Variants in MAPK10 observed in about 807,000 individuals in gnomAD.
The protein encoded by MAPK10 is mitogen-activated protein kinase 10, also known as JNK3 alpha protein kinase.
Under a neutral mutation model 59.3 loss-of-function variants are expected in MAPK10, and 25 were observed. The observed-to-expected ratio is 0.42, with a 90% CI of 0.31 to 0.59. The LOEUF (loss-of-function observed/expected upper bound fraction) is 0.59, where lower values mean the gene tolerates loss of function less well. Ranked by LOEUF, MAPK10 falls within the 20% of genes least tolerant of loss-of-function variation. MAPK10 has a pLI of 0.15. For synonymous variants in MAPK10, 190 were observed against 200.5 expected, an observed-to-expected ratio of 0.95 and a Z score of 0.44; for missense variants, 351 against 568.9, an observed-to-expected ratio of 0.62 and a Z score of 3.90.
chr4:86,258,408 T>C (rs2093843598), intron 2 of MAPK10, among the ~76,000 whole-genome samples: 1 of 152,188 alleles, frequency 6.6e-6, no homozygotes, highest in Non-Finnish European at 1.5e-5. Context: ...TCCTGTCAAC[T>C]CCTGGGTTTT....
intron 3 of MAPK10, among the ~76,000 whole-genome samples, chr4:86,174,121 G>C (rs1291819976): frequency 1.3e-5 from 2 of 152,070 alleles, no homozygotes; most frequent in Non-Finnish European, 2.9e-5. Flanking sequence ...CCATTACTGG[G>C]TATATACCCA....
chr4:86,280,524 C>A (rs2094756632), intron 2 of MAPK10, among the ~76,000 whole-genome samples: 1 of 152,136 alleles, frequency 6.6e-6, no homozygotes. Flanking sequence ...TTAGTTCAGC[C>A]AGTGTGGACA....
intron 13 of MAPK10, among the ~76,000 whole-genome samples, chr4:86,025,937 T>C (rs1749954827): frequency 6.6e-6 from 1 of 152,020 alleles, no homozygotes; most frequent in Non-Finnish European, 1.5e-5. Flanking sequence ...AATGAAAAAA[T>C]AGTGTCTTTT....
chr4:86,408,533 C>CTTAT (rs1162927494), intron 1 of MAPK10, among the ~76,000 whole-genome samples: 2 of 152,120 alleles, frequency 1.3e-5, no homozygotes, highest in Non-Finnish European at 2.9e-5. Flanking sequence ...TAAAAGTGTT[C>CTTAT]TTATTTCTCC....
At chr4:86,440,135 A>G (rs1186696474) in intron 1 of MAPK10, among the ~76,000 whole-genome samples, 1 of 152,226 alleles carries the variant, frequency 6.6e-6, no homozygotes, top group Admixed American at 6.5e-5. Context: ...GATATAGACT[A>G]TATGTGTCTC....
intron 2 of MAPK10, among the ~76,000 whole-genome samples, chr4:86,212,119 T>C (rs547196712): frequency 1.3e-5 from 2 of 152,090 alleles, no homozygotes; most frequent in African/African-American, 2.4e-5. Context: ...TGTAAGTAGA[T>C]TAAATTCTTC....
rs930572710 is a variant in MAPK10 at position 86,056,223 on chromosome 4, T to C, written c.1110+8043A>G. 3.3e-5 allele frequency among the ~76,000 whole-genome samples: 5 copies of C among 150,180 alleles called. 2 individuals carry two copies. The highest frequency in any genetic ancestry group is 1.2e-4 in the African/African-American group (5 of 40,194). On this transcript the variant is annotated intron_variant, in intron 11 of 13. Coordinates refer to ENST00000641462, the MANE Select transcript of MAPK10 (RefSeq NM_138982.4). ...TTAACTCACAGTGCTACACTCAAAC[T>C]AACCAATTTAATAAAAGGATTATAA... is the stretch of plus-strand genomic sequence containing the variant.
chr4:86,487,871 T>G (rs1754130991), intron 1 of MAPK10, among the ~76,000 whole-genome samples: 2 of 151,518 alleles, frequency 1.3e-5, no homozygotes, highest in South Asian at 4.2e-4. Flanking sequence ...AGATAAGAGG[T>G]GAAGGAGTTC....
At chr4:86,339,638 G>C (rs1723705771) in intron 2 of MAPK10, among the ~76,000 whole-genome samples, 1 of 152,118 alleles carries the variant, frequency 6.6e-6, no homozygotes, top group African/African-American at 2.4e-5. Context: ...CTCACTGTAG[G>C]ACCTTGGAAA....
chr4:86,512,512 T>C (rs1182698565), intron 1 of MAPK10, among the ~76,000 whole-genome samples: 1 of 152,214 alleles, frequency 6.6e-6, no homozygotes, highest in Non-Finnish European at 1.5e-5. Flanking sequence ...TTGGTTTGAC[T>C]TCCTAGCCTC....
chr4:86,070,760 A>C (rs2149001337), intron 9 of MAPK10, among the ~76,000 whole-genome samples: 1 of 151,052 alleles, frequency 6.6e-6, no homozygotes, highest in African/African-American at 2.4e-5. Context: ...CATGGTGTAT[A>C]TGTGCCACAT....
Position 86,059,435 on chromosome 4 carries a change from G to A in MAPK10, c.1110+4831C>T, listed in dbSNP as rs187244252. ...TACATTATAAACAAACAGTAAATGT[G>A]TAATAGTGTTGACTATTCTGGGCTC... On this transcript the variant is annotated intron_variant, in intron 11 of 13. Coordinates refer to ENST00000641462, the MANE Select transcript of MAPK10 (RefSeq NM_138982.4). Among the ~76,000 whole-genome samples, 105 of 152,274 alleles carry A rather than the reference G, an allele frequency of 6.9e-4. 2 individuals are homozygous for A. Among genetic ancestry groups the A allele is most frequent in the South Asian group, 6.2e-4 (3 of 4,816 alleles).
chr4:86,020,139 T>C (rs1745643221), intron 13 of MAPK10: 2 of 152,224 alleles, frequency 1.3e-5, no homozygotes, highest in South Asian at 2.1e-4. Context: ...CTCTATAAAA[T>C]TGCCTGTTCT....
At chr4:86,414,737 T>C (rs1222357291) in intron 1 of MAPK10, among the ~76,000 whole-genome samples, 2 of 152,148 alleles carry the variant, frequency 1.3e-5, no homozygotes, top group Non-Finnish European at 2.9e-5. Context: ...CAGATATCTT[T>C]TGCTTTTAAG....
intron 11 of MAPK10, among the ~76,000 whole-genome samples, chr4:86,049,554 A>T (rs2043132685): frequency 6.6e-6 from 1 of 152,104 alleles, no homozygotes; most frequent in African/African-American, 2.4e-5. Flanking sequence ...TGTCACATAG[A>T]CTAAAACTGT....
At chr4:86,110,572 T>C (rs2057316188) in intron 4 of MAPK10, among the ~76,000 whole-genome samples, 2 of 152,204 alleles carry the variant, frequency 1.3e-5, no homozygotes, top group African/African-American at 2.4e-5. Context: ...TCTATTCTGT[T>C]CCATTGGTCT....
intron 9 of MAPK10, among the ~76,000 whole-genome samples, chr4:86,072,163 G>A (rs1178566451): frequency 6.6e-6 from 1 of 151,104 alleles, no homozygotes; most frequent in Non-Finnish European, 1.5e-5. Context: ...AATTGTGAAT[G>A]GGAGTTCACT....
intron 1 of MAPK10, among the ~76,000 whole-genome samples, chr4:86,544,872 G>A (rs1322565713): frequency 6.6e-6 from 1 of 151,490 alleles, no homozygotes; most frequent in African/African-American, 2.4e-5. Context: ...CAAACTGAAA[G>A]GTTTTTTTCT....
chr4:86,574,386 A>G (rs1196380445), intron 1 of MAPK10, among the ~76,000 whole-genome samples: 2 of 151,750 alleles, frequency 1.3e-5, no homozygotes, highest in South Asian at 2.1e-4. Flanking sequence ...GTGTCTTTAT[A>G]GCAGCATGAT....
Sources: gnomAD v4.1 joint callset for allele counts (sites outside exome capture counted in the v4.1 genomes callset) on GRCh38, gnomAD v4.1.1 for gene constraint, MANE v1.5 for transcripts, NCBI Gene and HGNC (gene_info 2026-07-23, HGNC 2026-07-21) for gene names.